The following PRRC2B variants were observed in gnomAD, a reference collection of about 807,000 sequenced individuals.
PRRC2B encodes proline rich coiled-coil 2B, also known as protein PRRC2B.
In PRRC2B, 68 loss-of-function variants were observed where a neutral mutation model predicts 242.3. That is an observed-to-expected ratio of 0.28 (90% CI 0.23 to 0.34). The LOEUF (loss-of-function observed/expected upper bound fraction) is 0.34. Ranked by LOEUF, PRRC2B falls within the 10% of genes least tolerant of loss-of-function variation. PRRC2B has a pLI of 1.00. For synonymous variants in PRRC2B, 1,228 were observed against 1,173.6 expected (o/e 1.05, Z -0.95); for missense variants, 2,835 against 2,954.8 (o/e 0.96, Z 0.94).
At chr9:131,484,442 TC>T (rs374191528) in intron 23 of PRRC2B, among the ~76,000 whole-genome samples, 5 of 152,314 alleles carry the variant, frequency 3.3e-5, no homozygotes, top group African/African-American at 1.2e-4. Flanking sequence ...TCAGTCATGG[TC>T]CTGGCTGCCA....
chr9:131,432,310 G>A (rs188101252), intron 2 of PRRC2B, among the ~76,000 whole-genome samples: 112 of 152,242 alleles, frequency 7.4e-4, no homozygotes, highest in Middle Eastern at 3.4e-3. Context: ...TAAGCTGGAG[G>A]TTCCTGGGCC....
At position 131,476,080 on chromosome 9, in the gene PRRC2B, G is replaced by A; in HGVS notation, c.3951G>A (p.Arg1317=). 2 of 1,607,624 alleles carry A rather than the reference G, an allele frequency of 1.2e-6. No homozygotes were observed. Among genetic ancestry groups the A allele is most frequent in the Non-Finnish European group, 1.7e-6 (2 of 1,176,004 alleles). ...AGCCCCCTCGATTCCGGCGCCTCCG[G>A]CAAGAGCGGGAGTCCCTGGGCCTGT... is the stretch of plus-strand genomic sequence containing the variant. ...QDKPPRFRRL[R]QERESLGLWG... Residue 1317 remains arginine, a synonymous_variant, in exon 16 of 32, where the codon CGG becomes CGA. Coordinates refer to ENST00000683519, the MANE Select transcript of PRRC2B (RefSeq NM_013318.4).
At chr9:131,431,380 T>C (rs1230879462) in intron 2 of PRRC2B, among the ~76,000 whole-genome samples, 1 of 151,964 alleles carries the variant, frequency 6.6e-6, no homozygotes, top group African/African-American at 2.4e-5. Context: ...TCGGCTTGCC[T>C]CGGCCTCCCA....
intron 19 of PRRC2B, among the ~76,000 whole-genome samples, chr9:131,481,193 C>T (rs943041170): frequency 2.0e-5 from 3 of 150,836 alleles, no homozygotes; most frequent in African/African-American, 7.3e-5. Flanking sequence ...ACCTATAGTC[C>T]CAGCTATTCG....
chr9:131,428,594 A>G (rs1246754220), intron 1 of PRRC2B, among the ~76,000 whole-genome samples: 3 of 151,786 alleles, frequency 2.0e-5, no homozygotes, highest in Admixed American at 2.0e-4. Flanking sequence ...ATGGGGTTTC[A>G]CCATGTTGGC....
chr9:131,400,019 G>C (rs1837186635), intron 1 of PRRC2B, among the ~76,000 whole-genome samples: 2 of 152,092 alleles, frequency 1.3e-5, no homozygotes, highest in Non-Finnish European at 2.9e-5. Flanking sequence ...TTCTGGACAG[G>C]ATCGGTTGTC....
At chr9:131,442,825 A>C (rs994422646) in intron 5 of PRRC2B, among the ~76,000 whole-genome samples, 7 of 152,204 alleles carry the variant, frequency 4.6e-5, no homozygotes, top group African/African-American at 1.7e-4. Context: ...TGTTCATCCA[A>C]AAATGGTGGC....
chr9:131,414,816 C>T (rs1009304066), intron 1 of PRRC2B, among the ~76,000 whole-genome samples: 2 of 152,038 alleles, frequency 1.3e-5, no homozygotes, highest in African/African-American at 2.4e-5. Context: ...GTGATCCACC[C>T]GCCTTGGCCT....
Position 131,462,673 on chromosome 9 carries a change from A to G in PRRC2B, c.1405-2090A>G, listed in dbSNP as rs181032582. Among the ~76,000 whole-genome samples the G allele has an allele frequency of 3.4e-3, 509 of 151,570 alleles. 1 individual carries two copies. The highest frequency in any genetic ancestry group is 0.011 in the African/African-American group (469 of 41,400). On this transcript the variant is annotated intron_variant, in intron 11 of 31. Coordinates refer to ENST00000683519, the MANE Select transcript of PRRC2B (RefSeq NM_013318.4). ...ACCAACATGGTGAAACCCCATCTCT[A>G]CTAAAAATACAAAAATTAGCCAGGC...
chr9:131,392,307 C>G (rs1218324896), upstream of PRRC2B, among the ~76,000 whole-genome samples: 1 of 151,956 alleles, frequency 6.6e-6, no homozygotes, highest in Non-Finnish European at 1.5e-5. Flanking sequence ...CCATATTGGT[C>G]AGGCTGGTCT....
intron 18 of PRRC2B, among the ~76,000 whole-genome samples, 155 bp downstream of exon 18, chr9:131,478,774 C>T (rs999289423): frequency 6.6e-6 from 1 of 152,090 alleles, no homozygotes; most frequent in African/African-American, 2.4e-5. Context: ...TCTCCCCGTT[C>T]CTGCTATTAC....
rs558658664 is a variant in PRRC2B at position 131,432,170 on chromosome 9, C to T, written c.116-447C>T. On this transcript the variant is annotated intron_variant, in intron 2 of 31. Coordinates refer to ENST00000683519, the MANE Select transcript of PRRC2B (RefSeq NM_013318.4). ...GAAAGGTTCTTGTTGATCCTTTTCA[C>T]ACCCCATGAAGACTTCATGAATGTC... Among the ~76,000 whole-genome samples, 8 of 152,308 alleles carry T rather than the reference C, an allele frequency of 5.3e-5. No individual in the cohort carries two copies. The South Asian group carries it at 1.4e-3, about 28-fold the overall frequency.
intron 3 of PRRC2B, among the ~76,000 whole-genome samples, chr9:131,433,030 C>T (rs1838232149): frequency 6.6e-6 from 1 of 152,240 alleles, no homozygotes; most frequent in African/African-American, 2.4e-5. Flanking sequence ...TGGAGCAGCA[C>T]ATCTGTGGAC....
intron 1 of PRRC2B, among the ~76,000 whole-genome samples, chr9:131,388,871 C>G (rs1196277334): frequency 8.5e-6 from 1 of 117,958 alleles, no homozygotes; most frequent in Non-Finnish European, 1.7e-5. Flanking sequence ...GACGGAGTCT[C>G]GCTCCGTTGC....
chr9:131,439,071 C>G lies in PRRC2B; in HGVS notation c.469+10C>G, dbSNP rs768180799. The G allele has an allele frequency of 3.1e-5, 50 of 1,612,516 alleles. 1 individual carries two copies. The South Asian group carries it at 5.1e-4, about 16-fold the overall frequency. On this transcript the variant is annotated intron_variant, in intron 5 of 31. Transcript: ENST00000683519. ...GTAGGACACGAAGGTGGTAAGTGCG[C>G]ACGTGTGTGTGTTGTTTGGGGACGC...
intron 12 of PRRC2B, 70 bp from the exon 13 acceptor site, chr9:131,467,493 T>C: frequency 7.4e-7 from 1 of 1,350,028 alleles, no homozygotes; most frequent in East Asian, 2.5e-5. Flanking sequence ...GAAGTACTTG[T>C]TTGTAAACAC....
chr9:131,414,434 C>T, intron 1 of PRRC2B, among the ~76,000 whole-genome samples: 1 of 41,840 alleles, frequency 2.4e-5, no homozygotes, highest in Non-Finnish European at 7.0e-5. Context: ...TACATTGCTC[C>T]AAGAAAATGC....
Position 131,444,212 on chromosome 9 carries a change from C to A in PRRC2B, c.497C>A (p.Ser166Tyr). The change falls in exon 6 of 32, where the codon TCC becomes TAC. Residue 166 changes from serine to tyrosine, a missense_variant. Coordinates refer to ENST00000683519, the MANE Select transcript of PRRC2B (RefSeq NM_013318.4). ...GGLRGSSRLL[S>Y]FSPEEFPTLK... is the part of the protein sequence containing the mutation. ...TTAAGGGGCTCAAGCCGACTGTTAT[C>A]CTTCTCTCCCGAGGAATTTCCGACG... The A allele has an allele frequency of 6.2e-7, 1 of 1,614,026 alleles. No individual in the cohort carries two copies. Among genetic ancestry groups the A allele is most frequent in the East Asian group, 2.2e-5 (1 of 44,890 alleles).
At chr9:131,422,308 C>T (rs929606474) in intron 1 of PRRC2B, among the ~76,000 whole-genome samples, 3 of 152,212 alleles carry the variant, frequency 2.0e-5, no homozygotes, top group African/African-American at 4.8e-5. Flanking sequence ...CCACCTTGGC[C>T]TCCCAAAGCA....
Sources: allele counts gnomAD v4.1 joint callset (sites outside exome capture counted in the v4.1 genomes callset), GRCh38; gene constraint gnomAD v4.1.1; transcripts MANE v1.5; gene names NCBI Gene and HGNC (gene_info 2026-07-23, HGNC 2026-07-21).